Variants in APBA1 observed in about 807,000 individuals in gnomAD.
APBA1 encodes amyloid beta precursor protein binding family A member 1, also known as amyloid-beta A4 precursor protein-binding family A member 1.
A neutral mutation model predicts 86.6 loss-of-function variants in APBA1; 55 were observed. That is an observed-to-expected ratio of 0.64 (90% CI 0.51 to 0.80). The LOEUF is 0.80. Ranked by LOEUF, APBA1 falls within the 30% of genes least tolerant of loss-of-function variation. The pLI, the probability that APBA1 is intolerant of heterozygous loss-of-function variation, is 0.00. For synonymous variants in APBA1, 511 were observed against 493.9 expected (o/e 1.03, Z -0.46); for missense variants, 1,090 against 1,183.0 (o/e 0.92, Z 1.15).
chr9:69,502,195 G>GA (rs1835889574), intron 2 of APBA1, among the ~76,000 whole-genome samples: 1 of 152,034 alleles, frequency 6.6e-6, no homozygotes, highest in South Asian at 2.1e-4. Context: ...ACAGTAACTG[G>GA]AAAACGTGCC....
Position 69,661,917 on chromosome 9 carries a change from C to G in APBA1, c.-70+10236G>C, listed in dbSNP as rs189215181. Among the ~76,000 whole-genome samples the G allele has an allele frequency of 1.1e-4, 17 of 152,088 alleles. No homozygotes were observed. The East Asian group carries it at 3.1e-3, about 28-fold the overall frequency. On this transcript the variant is annotated intron_variant, in intron 1 of 12. Transcript: ENST00000265381. ...AGATGCAGCTGCCTGGTCTTAAACT[C>G]TCCAGCCACCAGAATTGTGAGCCAA...
intron 8 of APBA1, among the ~76,000 whole-genome samples, chr9:69,455,955 T>C (rs1835088735): frequency 6.6e-6 from 1 of 152,182 alleles, no homozygotes; most frequent in African/African-American, 2.4e-5. Flanking sequence ...CTACCTGACA[T>C]AGCCCCTGTC....
chr9:69,432,683 G>A lies in APBA1; in HGVS notation c.2302-7C>T, dbSNP rs1217339. 299,535 of 1,563,708 alleles carry A rather than the reference G, an allele frequency of 0.19. 30,013 individuals are homozygous for A. Among genetic ancestry groups the A allele is most frequent in the South Asian group, 0.29 (24,113 of 82,250 alleles). The stretch of plus-strand genomic sequence containing the variant: ...CTCGCATGAGGCTGCAGATCTGCCA[G>A]AGTCAAAGGCAGAGTTACCCTCATT... On this transcript the variant is annotated splice_region_variant and splice_polypyrimidine_tract_variant and intron_variant, in intron 11 of 12. Coordinates refer to ENST00000265381, the MANE Select transcript of APBA1 (RefSeq NM_001163.4).
chr9:69,589,010 A>T (rs1477321808), intron 1 of APBA1, among the ~76,000 whole-genome samples: 2 of 152,180 alleles, frequency 1.3e-5, no homozygotes, highest in Non-Finnish European at 2.9e-5. Flanking sequence ...GTTGGAATGC[A>T]GTGGCACAAT....
intron 11 of APBA1, among the ~76,000 whole-genome samples, chr9:69,434,741 T>A (rs1834671073): frequency 6.6e-6 from 1 of 152,088 alleles, no homozygotes; most frequent in Non-Finnish European, 1.5e-5. Flanking sequence ...ATGCTACATT[T>A]TTTTAAAGCA....
chr9:69,485,109 G>A (rs1028247758), intron 2 of APBA1, among the ~76,000 whole-genome samples: 1 of 151,900 alleles, frequency 6.6e-6, no homozygotes, highest in Non-Finnish European at 1.5e-5. Context: ...AGCCACTGTG[G>A]CTGGCCTCAA....
intron 2 of APBA1, among the ~76,000 whole-genome samples, chr9:69,484,738 A>G (rs1296818829): frequency 1.3e-5 from 2 of 152,010 alleles, no homozygotes; most frequent in Non-Finnish European, 2.9e-5. Context: ...GTTCATGTTC[A>G]TCCTCCAACT....
intron 1 of APBA1, among the ~76,000 whole-genome samples, chr9:69,535,916 TG>T (rs1285966659): frequency 6.6e-6 from 1 of 152,190 alleles, no homozygotes; most frequent in Non-Finnish European, 1.5e-5. Context: ...GGTTTGCCTT[TG>T]CTTCCTCTGG....
chr9:69,560,781 A>T (rs1350117201), intron 1 of APBA1, among the ~76,000 whole-genome samples: 1 of 152,236 alleles, frequency 6.6e-6, no homozygotes, highest in Non-Finnish European at 1.5e-5. Context: ...AAATGCTCCA[A>T]TGAGCACTTC....
intron 1 of APBA1, among the ~76,000 whole-genome samples, chr9:69,660,866 A>G (rs1221240255): frequency 2.0e-5 from 3 of 152,154 alleles, no homozygotes; most frequent in Non-Finnish European, 4.4e-5. Flanking sequence ...AAAGGACAAG[A>G]GAGATGGAAA....
intron 1 of APBA1, among the ~76,000 whole-genome samples, chr9:69,637,657 A>T (rs1823208015): frequency 6.6e-6 from 1 of 152,252 alleles, no homozygotes; most frequent in South Asian, 2.1e-4. Context: ...TTTGAATAAC[A>T]AGCACAACTT....
Position 69,430,242 on chromosome 9 carries a change from G to A in APBA1, c.*1085C>T, listed in dbSNP as rs1238256803. 6.6e-6 allele frequency: 1 copy of A among 152,260 alleles called. No homozygotes were observed. Among genetic ancestry groups the A allele is most frequent in the Admixed American group, 6.5e-5 (1 of 15,290 alleles). The allele number at this position is 152,260 out of a possible 1,614,324, so 9.4% of individuals were successfully genotyped here. A position where few individuals can be genotyped will look rare whatever the true frequency, so the allele number is the denominator to read the frequency against. On this transcript the variant is annotated 3_prime_UTR_variant, in exon 13 of 13. Transcript: ENST00000265381. ...TTGGGCCAGAAAACAAGACGCAATT[G>A]CACCTGCAGCTTGCCTTCTTGGGAA...
At chr9:69,561,069 T>C (rs1367917764) in intron 1 of APBA1, among the ~76,000 whole-genome samples, 1 of 152,210 alleles carries the variant, frequency 6.6e-6, no homozygotes, top group Admixed American at 6.5e-5. Flanking sequence ...TGTTGCTCTT[T>C]ACAAATACCA....
At position 69,615,806 on chromosome 9, in the gene APBA1, T is replaced by A. The variant is rs555812515; in HGVS notation, c.-70+56347A>T. Among the ~76,000 whole-genome samples the A allele has an allele frequency of 1.6e-4, 24 of 152,334 alleles. No individual in the cohort carries two copies. The South Asian group carries it at 5.0e-3, about 32-fold the overall frequency. The stretch of plus-strand genomic sequence containing the variant: ...ATTATTAAAAACAGAAGCTGCTCTG[T>A]TCCTGAAGTCCTATAAGCTGAAACT... On this transcript the variant is annotated intron_variant, in intron 1 of 12. Coordinates refer to ENST00000265381, the MANE Select transcript of APBA1 (RefSeq NM_001163.4).
chr9:69,432,848 C>T (rs1050269731), intron 11 of APBA1, among the ~76,000 whole-genome samples, 172 bp from the exon 12 acceptor site: 2 of 152,210 alleles, frequency 1.3e-5, no homozygotes, highest in African/African-American at 2.4e-5. Context: ...TAGGTGCCGT[C>T]GGCCCACATG....
intron 12 of APBA1, 113 bp downstream of exon 12, chr9:69,432,423 T>G: frequency 2.7e-6 from 3 of 1,123,940 alleles, no homozygotes; most frequent in Non-Finnish European, 3.5e-6. Flanking sequence ...GTGTTCAGGA[T>G]TGGAAACTCA....
chr9:69,552,755 G>A (rs928342541), intron 1 of APBA1, among the ~76,000 whole-genome samples: 1 of 152,144 alleles, frequency 6.6e-6, no homozygotes, highest in African/African-American at 2.4e-5. Context: ...GGTTTCATTG[G>A]GTTTTAAAAT....
chr9:69,524,408 A>C (rs1198552005), intron 1 of APBA1, among the ~76,000 whole-genome samples: 2 of 152,082 alleles, frequency 1.3e-5, no homozygotes, highest in African/African-American at 4.8e-5. Flanking sequence ...CATTATAACC[A>C]ATCACACAGA....
intron 1 of APBA1, among the ~76,000 whole-genome samples, chr9:69,667,143 G>A (rs1823856077): frequency 6.6e-6 from 1 of 152,052 alleles, no homozygotes; most frequent in Admixed American, 6.5e-5. Flanking sequence ...TCAGATCTCT[G>A]AGAGAGAATA....
Sources: allele counts gnomAD v4.1 joint callset (sites outside exome capture counted in the v4.1 genomes callset), GRCh38; gene constraint gnomAD v4.1.1; transcripts MANE v1.5; gene names NCBI Gene and HGNC (gene_info 2026-07-23, HGNC 2026-07-21).